Variants in WWOX observed in about 807,000 individuals in gnomAD.
The protein encoded by WWOX is WW domain-containing oxidoreductase.
Under a neutral mutation model 46.2 loss-of-function variants are expected in WWOX, and 69 were observed. The observed-to-expected ratio is 1.49, with a 90% CI of 1.23 to 1.82. The LOEUF (loss-of-function observed/expected upper bound fraction) is 1.82. Ranked by LOEUF, WWOX falls within the 40% of genes most tolerant of loss-of-function variation. The pLI, the probability that WWOX is intolerant of heterozygous loss-of-function variation, is 0.00. For synonymous variants in WWOX, 359 were observed against 202.6 expected, an observed-to-expected ratio of 1.77 and a Z score of -6.56; for missense variants, 919 against 542.6, an observed-to-expected ratio of 1.69 and a Z score of -6.89.
chr16:78,249,753 C>A (rs1387848399), intron 5 of WWOX, among the ~76,000 whole-genome samples: 2 of 146,214 alleles, frequency 1.4e-5, no homozygotes, highest in Non-Finnish European at 3.0e-5. Context: ...CCTTTCTTCC[C>A]AAGAATTGAA....
intron 8 of WWOX, among the ~76,000 whole-genome samples, chr16:78,860,542 T>A (rs138604663): frequency 6.6e-6 from 1 of 152,236 alleles, no homozygotes; most frequent in Non-Finnish European, 1.5e-5. Context: ...CCAGACATTG[T>A]TCTAAGAGGG....
chr16:78,897,567 T>C (rs2044732262), intron 8 of WWOX: 1 of 152,220 alleles, frequency 6.6e-6, no homozygotes, highest in Non-Finnish European at 1.5e-5. Context: ...CGCTTATCTG[T>C]GCACCTGTTG....
chr16:78,149,925 G>C (rs1334813235), intron 4 of WWOX, among the ~76,000 whole-genome samples: 1 of 152,110 alleles, frequency 6.6e-6, no homozygotes, highest in Non-Finnish European at 1.5e-5. Flanking sequence ...ACAAATGTGT[G>C]GAGTGTTCCC....
intron 8 of WWOX, among the ~76,000 whole-genome samples, chr16:78,442,254 G>A (rs1177017312): frequency 2.0e-5 from 3 of 152,072 alleles, no homozygotes; most frequent in Admixed American, 6.6e-5. Flanking sequence ...AACTTACATA[G>A]CTATCATTTT....
intron 8 of WWOX, among the ~76,000 whole-genome samples, chr16:78,744,738 A>C (rs189804857): frequency 6.6e-6 from 1 of 152,218 alleles, no homozygotes; most frequent in East Asian, 1.9e-4. Flanking sequence ...TTCTATTACC[A>C]GCCTGCACTG....
chr16:78,407,785 A>C (rs2082583467), intron 6 of WWOX, among the ~76,000 whole-genome samples: 2 of 152,236 alleles, frequency 1.3e-5, no homozygotes, highest in Non-Finnish European at 2.9e-5. Context: ...GCATTGATTC[A>C]AACGTATCCA....
intron 8 of WWOX, among the ~76,000 whole-genome samples, chr16:79,115,777 C>G (rs1001174396): frequency 1.3e-5 from 2 of 152,140 alleles, no homozygotes; most frequent in Admixed American, 6.5e-5. Context: ...AAAAACACTT[C>G]ACAGGATCCA....
intron 8 of WWOX, among the ~76,000 whole-genome samples, chr16:78,851,479 A>C (rs2052441652): frequency 6.6e-6 from 1 of 152,214 alleles, no homozygotes; most frequent in South Asian, 2.1e-4. Context: ...TATATGACTC[A>C]AATGCTTGGT....
intron 5 of WWOX, among the ~76,000 whole-genome samples, chr16:78,294,304 G>A: frequency 6.6e-6 from 1 of 152,146 alleles, no homozygotes; most frequent in East Asian, 1.9e-4. Flanking sequence ...CAGATGCAGA[G>A]GCACTGGTGC....
At chr16:78,300,228 C>T (rs2080015598) in intron 5 of WWOX, among the ~76,000 whole-genome samples, 1 of 152,062 alleles carries the variant, frequency 6.6e-6, no homozygotes, top group Non-Finnish European at 1.5e-5. Flanking sequence ...AACCTAGGAG[C>T]CTAGGAGATA....
intron 6 of WWOX, among the ~76,000 whole-genome samples, chr16:78,419,348 A>T (rs1006902368): frequency 1.3e-5 from 2 of 152,138 alleles, no homozygotes; most frequent in African/African-American, 4.8e-5. Context: ...CTTGAAAAAG[A>T]AGAGTGTTGG....
intron 8 of WWOX, among the ~76,000 whole-genome samples, chr16:78,991,258 T>G (rs1268044875): frequency 6.6e-6 from 1 of 152,122 alleles, no homozygotes; most frequent in Non-Finnish European, 1.5e-5. Context: ...CCTCCCACTT[T>G]TGGCAATGAG....
chr16:78,330,168 T>C (rs755880413), intron 5 of WWOX, among the ~76,000 whole-genome samples: 13 of 152,198 alleles, frequency 8.5e-5, no homozygotes, highest in Admixed American at 2.0e-4. Flanking sequence ...ATTGAAGTTA[T>C]AGCATACTAA....
intron 8 of WWOX, among the ~76,000 whole-genome samples, chr16:79,029,361 T>G (rs1369579160): frequency 2.6e-5 from 4 of 152,232 alleles, no homozygotes; most frequent in Admixed American, 6.5e-5. Context: ...ACATGCCTGT[T>G]AATTTCCTCC....
At chr16:78,377,489 C>A (rs1425041882) in intron 5 of WWOX, among the ~76,000 whole-genome samples, 1 of 152,092 alleles carries the variant, frequency 6.6e-6, no homozygotes, top group East Asian at 1.9e-4. Flanking sequence ...CCACGCTTTA[C>A]CTATAGTTAA....
intron 8 of WWOX, among the ~76,000 whole-genome samples, chr16:78,659,262 A>T (rs897523517): frequency 1.1e-4 from 16 of 152,148 alleles, no homozygotes; most frequent in Admixed American, 9.8e-4. Context: ...ACTCACAGAG[A>T]TAACCGTGTA....
chr16:78,568,986 G>C (rs1032958479), intron 8 of WWOX, among the ~76,000 whole-genome samples: 1 of 152,102 alleles, frequency 6.6e-6, no homozygotes, highest in Non-Finnish European at 1.5e-5. Flanking sequence ...ACCTACTCTG[G>C]ATTTACCCAG....
At chr16:78,747,031 C>T (rs899075020) in intron 8 of WWOX, among the ~76,000 whole-genome samples, 1 of 152,020 alleles carries the variant, frequency 6.6e-6, no homozygotes, top group Non-Finnish European at 1.5e-5. Context: ...CAGTTTATTT[C>T]CTACCTCAAG....
chr16:78,542,412 C>G (rs1337927833), intron 8 of WWOX, among the ~76,000 whole-genome samples: 1 of 152,240 alleles, frequency 6.6e-6, no homozygotes, highest in Admixed American at 6.5e-5. Flanking sequence ...TTGCAGGGAC[C>G]TGCAGTCAGC....
Sources: gnomAD v4.1 joint callset for allele counts (sites outside exome capture counted in the v4.1 genomes callset) on GRCh38, gnomAD v4.1.1 for gene constraint, MANE v1.5 for transcripts, NCBI Gene and HGNC (gene_info 2026-07-23, HGNC 2026-07-21) for gene names.